Variants in VAT1L observed in about 807,000 individuals in gnomAD.
VAT1L encodes the protein vesicle amine transport 1 like.
VAT1L carries 34 observed loss-of-function variants against 44.1 expected under a neutral mutation model. That is an observed-to-expected ratio of 0.77 (90% CI 0.59 to 1.03). The LOEUF is 1.03. VAT1L is among the 50% of genes least tolerant of loss of function. VAT1L has a pLI of 0.00. For missense variants in VAT1L, 615 were observed against 538.8 expected, an observed-to-expected ratio of 1.14 and a Z score of -1.40; for synonymous variants, 253 against 202.2, an observed-to-expected ratio of 1.25 and a Z score of -2.13.
At chr16:77,832,972 G>A (rs576154491) in intron 3 of VAT1L, among the ~76,000 whole-genome samples, 39 of 152,176 alleles carry the variant, frequency 2.6e-4, no homozygotes, top group Non-Finnish European at 5.0e-4. Context: ...CACCGCAGGA[G>A]TATATTTTGT....
At chr16:77,895,896 A>G (rs2017318614) in intron 7 of VAT1L, among the ~76,000 whole-genome samples, 1 of 152,210 alleles carries the variant, frequency 6.6e-6, no homozygotes, top group Admixed American at 6.5e-5. Context: ...AGACAATTAT[A>G]TAAGCAGGGA....
At chr16:77,972,062 A>G (rs146956524) in intron 8 of VAT1L, 129 bp downstream of exon 8, 13 of 770,894 alleles carry the variant, frequency 1.7e-5, no homozygotes, top group Admixed American at 2.7e-5. Context: ...ACCAGGGGTA[A>G]TCAAATGATG....
At chr16:77,898,877 G>A (rs1015836915) in intron 7 of VAT1L, among the ~76,000 whole-genome samples, 2 of 152,180 alleles carry the variant, frequency 1.3e-5, no homozygotes, top group Non-Finnish European at 2.9e-5. Flanking sequence ...ACACATGCTG[G>A]TGTTTGCATT....
chr16:77,810,118 A>G (rs1402686918), intron 1 of VAT1L, among the ~76,000 whole-genome samples: 1 of 152,230 alleles, frequency 6.6e-6, no homozygotes, highest in African/African-American at 2.4e-5. Flanking sequence ...CAAAAATTCA[A>G]CTGCCCTAGA....
chr16:77,901,466 T>C (rs2017382742), intron 7 of VAT1L, among the ~76,000 whole-genome samples: 1 of 152,068 alleles, frequency 6.6e-6, no homozygotes, highest in African/African-American at 2.4e-5. Flanking sequence ...GCCTGGCCCA[T>C]AGTTTACCTT....
intron 1 of VAT1L, among the ~76,000 whole-genome samples, chr16:77,793,835 C>T (rs984607859): frequency 3.3e-5 from 5 of 152,042 alleles, no homozygotes; most frequent in African/African-American, 1.2e-4. Flanking sequence ...TAATATGTCA[C>T]GAGGGTATAG....
intron 3 of VAT1L, among the ~76,000 whole-genome samples, chr16:77,825,787 C>A (rs959384894): frequency 6.6e-6 from 1 of 150,876 alleles, no homozygotes; most frequent in African/African-American, 2.4e-5. Flanking sequence ...GAGGCAGAGG[C>A]GGGCAGATCA....
At chr16:77,798,255 G>A (rs2015974150) in intron 1 of VAT1L, among the ~76,000 whole-genome samples, 1 of 152,178 alleles carries the variant, frequency 6.6e-6, no homozygotes, top group African/African-American at 2.4e-5. Flanking sequence ...TCTTAACCTG[G>A]CACTAGCCAT....
chr16:77,881,041 T>C (rs371837620), intron 6 of VAT1L, among the ~76,000 whole-genome samples: 2 of 152,212 alleles, frequency 1.3e-5, no homozygotes, highest in Admixed American at 1.3e-4. Flanking sequence ...CTATTGTGAA[T>C]AGAATGGCAA....
At chr16:77,961,895 T>G (rs2018163892) in intron 7 of VAT1L, among the ~76,000 whole-genome samples, 1 of 152,216 alleles carries the variant, frequency 6.6e-6, no homozygotes, top group African/African-American at 2.4e-5. Flanking sequence ...ATGGGAATGC[T>G]ATACAGATGT....
intron 7 of VAT1L, among the ~76,000 whole-genome samples, chr16:77,890,197 A>G (rs62042177): frequency 0.094 from 14,378 of 152,162 alleles, 868 homozygotes; most frequent in Middle Eastern, 0.16. Context: ...TGGAGTTACC[A>G]GAAATAGATA....
chr16:77,886,056 T>A (rs1047893774), intron 7 of VAT1L, among the ~76,000 whole-genome samples: 1 of 152,208 alleles, frequency 6.6e-6, no homozygotes, highest in Admixed American at 6.5e-5. Context: ...GAAAATAAAC[T>A]GCAAGTCCAC....
At position 77,839,350 on chromosome 16, in the gene VAT1L, A is replaced by G. The variant is rs553800279; in HGVS notation, c.579+13889A>G. ...GGAGATGGAGACCATCCTGGCCAACACGGTGAAACCCTGTCTCTACTAAAA... is the reference window on the plus strand; with the variant it reads ...GGAGATGGAGACCATCCTGGCCAACGCGGTGAAACCCTGTCTCTACTAAAA... On this transcript the variant is annotated intron_variant, in intron 3 of 8. Transcript: ENST00000302536. Among the ~76,000 whole-genome samples, 10 of 152,040 alleles carry G rather than the reference A, an allele frequency of 6.6e-5. 1 individual carries two copies. The South Asian group carries it at 2.1e-3, about 32-fold the overall frequency.
chr16:77,879,267 AT>A lies in VAT1L; in HGVS notation c.882+45del, dbSNP rs1169159804. 6.3e-7 allele frequency: 1 copy of A among 1,589,158 alleles called. No individual in the cohort carries two copies. Among genetic ancestry groups the A allele is most frequent in the Non-Finnish European group, 8.6e-7 (1 of 1,158,006 alleles). Reference sequence around the variant, plus strand: ...TCTGATGTACTGTGGTGGCATGTTGATTCACATGTTGAGAGCTTTGTTTTTG... The same window carrying A: ...TCTGATGTACTGTGGTGGCATGTTGATCACATGTTGAGAGCTTTGTTTTTG... On this transcript the variant is annotated intron_variant, in intron 6 of 8. Coordinates refer to ENST00000302536, the MANE Select transcript of VAT1L (RefSeq NM_020927.3). This position sits in a 1 kb window ranked among gnomAD's most constrained non-coding sequence, Gnocchi z 4.1.
chr16:77,976,287 C>T (rs2018339026), intron 8 of VAT1L, among the ~76,000 whole-genome samples: 1 of 152,120 alleles, frequency 6.6e-6, no homozygotes, highest in South Asian at 2.1e-4. Context: ...GGTATTTGGG[C>T]CATGAAAGCT....
Position 77,971,899 on chromosome 16 carries a change from T to G in VAT1L, c.1127T>G (p.Leu376Ter), listed in dbSNP as rs1486181208. ...RIHDRGNIGKLILDVEKTPTP... is the reference protein window; with the variant it reads ...RIHDRGNIGK ...CACGACCGAGGGAACATTGGCAAGT[T>G]AATTCTGGATGTAGAAAAGACCCCA... Residue 376 changes from leucine (L) to a stop codon, truncating the protein, a stop_gained, in exon 8 of 9, where the codon TTA becomes TGA. Transcript: ENST00000302536. LOFTEE classifies it high-confidence loss of function. 20 of 1,613,768 alleles carry G rather than the reference T, an allele frequency of 1.2e-5. No individual in the cohort carries two copies. The highest frequency in any genetic ancestry group is 1.7e-5 in the Non-Finnish European group (20 of 1,179,878).
intron 7 of VAT1L, among the ~76,000 whole-genome samples, chr16:77,908,406 G>C (rs1003450315): frequency 5.6e-5 from 8 of 142,334 alleles, no homozygotes; most frequent in Non-Finnish European, 1.2e-4. Context: ...AGAGGTTGCA[G>C]TGAGCCGAGA....
intron 7 of VAT1L, among the ~76,000 whole-genome samples, chr16:77,933,539 A>G (rs1257472133): frequency 6.6e-6 from 1 of 152,272 alleles, no homozygotes; most frequent in Non-Finnish European, 1.5e-5. Context: ...AATTTCAACA[A>G]TGGAAAAATT....
intron 7 of VAT1L, among the ~76,000 whole-genome samples, chr16:77,932,312 A>T (rs2017741804): frequency 6.6e-6 from 1 of 151,930 alleles, no homozygotes; most frequent in Non-Finnish European, 1.5e-5. Flanking sequence ...TCACCGTGTT[A>T]GCCAGGATGG....
Sources: gnomAD v4.1 joint callset for allele counts (sites outside exome capture counted in the v4.1 genomes callset) on GRCh38, gnomAD v4.1.1 for gene constraint, Gnocchi (gnomAD v3.1) non-coding constraint, MANE v1.5 for transcripts, NCBI Gene and HGNC (gene_info 2026-07-23, HGNC 2026-07-21) for gene names.